ARK2C: variants seen among roughly 807,000 people sequenced by gnomAD.
ARK2C encodes arkadia (RNF111) C-terminal like ring finger ubiquitin ligase 2C.
the ARK2C span, among the ~76,000 whole-genome samples, chr18:46,381,746 G>A: frequency 3.7e-4 from 56 of 152,156 alleles, no homozygotes; most frequent in South Asian, 7.9e-3. Context: ...TGGGAGGATC[G>A]CTTGAGCCCA....
chr18:46,359,197 G>T, the ARK2C span, among the ~76,000 whole-genome samples: 1 of 152,232 alleles, frequency 6.6e-6, no homozygotes, highest in Non-Finnish European at 1.5e-5. Context: ...GGCAATTTCT[G>T]CATGATGCCA....
chr18:46,360,362 C>T, the ARK2C span, among the ~76,000 whole-genome samples: 1 of 152,198 alleles, frequency 6.6e-6, no homozygotes, highest in African/African-American at 2.4e-5. Flanking sequence ...AGGTGCTCCC[C>T]ACAATGGTGC....
chr18:46,378,467 G>C, the ARK2C span, among the ~76,000 whole-genome samples: 1 of 152,192 alleles, frequency 6.6e-6, no homozygotes, highest in East Asian at 1.9e-4. Context: ...GAAGTGATGG[G>C]CTTTTGCACC....
chr18:46,407,413 A>G, the ARK2C span, among the ~76,000 whole-genome samples: 47 of 152,178 alleles, frequency 3.1e-4, no homozygotes, highest in African/African-American at 1.1e-3. Context: ...TTTGTGACAT[A>G]TTGTCGTCAT....
chr18:46,373,021 C>T, the ARK2C span, among the ~76,000 whole-genome samples: 40 of 152,272 alleles, frequency 2.6e-4, 1 homozygote, highest in South Asian at 4.6e-3. Context: ...TGTGCATGTG[C>T]GAGTGTGTGT....
At chr18:46,427,816 T>C in the ARK2C span, among the ~76,000 whole-genome samples, 3 of 152,178 alleles carry the variant, frequency 2.0e-5, no homozygotes, top group Admixed American at 2.0e-4. Flanking sequence ...AGGTAGCCAC[T>C]GCCAGGTGCC....
chr18:46,334,834 C>T, the ARK2C span: 1 of 195,198 alleles, frequency 5.1e-6, no homozygotes, highest in East Asian at 1.2e-4. This position sits in a 1 kb window ranked among gnomAD's most constrained non-coding sequence, Gnocchi z 4.4. Flanking sequence ...TTCATTAGTA[C>T]CGATGGCTGG....
the ARK2C span, chr18:46,334,216 G>C: frequency 1.7e-6 from 2 of 1,148,030 alleles, no homozygotes; most frequent in Non-Finnish European, 2.2e-6. This position sits in a 1 kb window ranked among gnomAD's most constrained non-coding sequence, Gnocchi z 4.4. Context: ...GCGCCCCGGA[G>C]CCGCGCCACA....
the ARK2C span, chr18:46,447,610 G>C: frequency 6.2e-7 from 1 of 1,613,966 alleles, no homozygotes; most frequent in African/African-American, 1.3e-5. Flanking sequence ...TTCCAGGTGC[G>C]GCCCATCCCT....
At chr18:46,381,910 A>G in the ARK2C span, among the ~76,000 whole-genome samples, 5 of 151,784 alleles carry the variant, frequency 3.3e-5, no homozygotes, top group Admixed American at 2.0e-4. Flanking sequence ...CTTTGGAGAG[A>G]TGTGCGACTC....
At chr18:46,385,733 C>G in the ARK2C span, 1 of 152,192 alleles carries the variant, frequency 6.6e-6, no homozygotes, top group African/African-American at 2.4e-5. Flanking sequence ...TTGCTCCAAG[C>G]CTGCACTTTT....
At chr18:46,344,927 G>C in the ARK2C span, among the ~76,000 whole-genome samples, 1 of 152,222 alleles carries the variant, frequency 6.6e-6, no homozygotes, top group Non-Finnish European at 1.5e-5. Context: ...GGTGGGCTGT[G>C]GCCCAGGCCT....
At chr18:46,458,604 T>C in the ARK2C span, 1 of 152,486 alleles carries the variant, frequency 6.6e-6, no homozygotes. Context: ...CGGGCAGATT[T>C]TGGCTTGAGG....
chr18:46,370,646 C>T, the ARK2C span, among the ~76,000 whole-genome samples: 2 of 152,258 alleles, frequency 1.3e-5, no homozygotes, highest in East Asian at 3.9e-4. Flanking sequence ...TGAGGCCTCC[C>T]CAGAATGCCC....
chr18:46,450,589 C>CTGA, the ARK2C span: 2 of 863,210 alleles, frequency 2.3e-6, no homozygotes, highest in South Asian at 3.0e-5. Flanking sequence ...TGAGTTCTTC[C>CTGA]TGATAGCTAT....
chr18:46,350,493 G>A, the ARK2C span, among the ~76,000 whole-genome samples: 3 of 152,194 alleles, frequency 2.0e-5, no homozygotes, highest in African/African-American at 4.8e-5. Flanking sequence ...GGGGTCACAC[G>A]AGGGGTGTCA....
the ARK2C span, among the ~76,000 whole-genome samples, chr18:46,417,510 G>A: frequency 6.6e-6 from 1 of 152,248 alleles, no homozygotes; most frequent in African/African-American, 2.4e-5. Flanking sequence ...ATATCTGCCA[G>A]TTCAGTCCTC....
chr18:46,462,992 A>T, the ARK2C span: 1 of 152,282 alleles, frequency 6.6e-6, no homozygotes, highest in East Asian at 1.9e-4. Flanking sequence ...GCAGAAAGCT[A>T]GAAGAATATT....
chr18:46,341,630 G>A, the ARK2C span, among the ~76,000 whole-genome samples: 1 of 152,104 alleles, frequency 6.6e-6, no homozygotes, highest in Non-Finnish European at 1.5e-5. Context: ...CAGATTCCTG[G>A]TTGGGGTAGG....
Sources: allele counts gnomAD v4.1 joint callset (sites outside exome capture counted in the v4.1 genomes callset), GRCh38; gene constraint gnomAD v4.1.1; non-coding constraint Gnocchi (gnomAD v3.1); transcripts MANE v1.5; gene names NCBI Gene and HGNC (gene_info 2026-07-23, HGNC 2026-07-21).